The following TPP2 variants were observed in gnomAD, a reference collection of about 807,000 sequenced individuals.
TPP2 encodes tripeptidyl peptidase 2.
TPP2 carries 34 observed loss-of-function variants against 155.9 expected under a neutral mutation model. The observed-to-expected ratio is 0.22, with a 90% CI of 0.17 to 0.29. The LOEUF (loss-of-function observed/expected upper bound fraction) is 0.29, where lower values mean the gene tolerates loss of function less well. Ranked by LOEUF, TPP2 falls within the 10% of genes least tolerant of loss-of-function variation. The probability of loss-of-function intolerance (pLI) is 1.00; values close to 1 mark genes in which losing one functional copy is unlikely to be tolerated. For missense variants in TPP2, 1,028 were observed against 1,522.3 expected (o/e 0.68, Z 5.40); for synonymous variants, 510 against 529.4 (o/e 0.96, Z 0.50).
intron 3 of TPP2, among the ~76,000 whole-genome samples, chr13:102,615,195 T>C (rs1880623825): frequency 6.6e-6 from 1 of 152,216 alleles, no homozygotes; most frequent in South Asian, 2.1e-4. Context: ...TTACATAATA[T>C]GTTATTTTAA....
chr13:102,617,067 C>T (rs1440415352), intron 4 of TPP2, among the ~76,000 whole-genome samples: 2 of 151,056 alleles, frequency 1.3e-5, no homozygotes, highest in African/African-American at 2.4e-5. Flanking sequence ...TGCCACCACA[C>T]CCGACTAGTT....
chr13:102,609,392 C>CT (rs34845674), intron 2 of TPP2, among the ~76,000 whole-genome samples: 25,433 of 79,478 alleles, frequency 0.32, 5,593 homozygotes, highest in East Asian at 0.53. Context: ...AAGTGCCATG[C>CT]TTTTTTTTTT....
chr13:102,653,765 G>A (rs1219722775), intron 24 of TPP2, among the ~76,000 whole-genome samples: 1 of 152,182 alleles, frequency 6.6e-6, no homozygotes, highest in African/African-American at 2.4e-5. Flanking sequence ...AATAGTTTAT[G>A]TGAAGCTTTT....
intron 27 of TPP2, among the ~76,000 whole-genome samples, chr13:102,671,368 G>A (rs1286322995): frequency 1.3e-5 from 2 of 152,138 alleles, no homozygotes; most frequent in Non-Finnish European, 2.9e-5. Context: ...TATATGGCTG[G>A]CTTTTAATTG....
At chr13:102,606,553 A>G (rs2053298725) in intron 2 of TPP2, among the ~76,000 whole-genome samples, 1 of 152,224 alleles carries the variant, frequency 6.6e-6, no homozygotes, top group South Asian at 2.1e-4. Context: ...AAGGCCAGTA[A>G]GAGAATCTCT....
chr13:102,615,661 G>A (rs1880662747), intron 3 of TPP2, among the ~76,000 whole-genome samples: 1 of 152,084 alleles, frequency 6.6e-6, no homozygotes, highest in African/African-American at 2.4e-5. Flanking sequence ...GGACATTGAG[G>A]ATGCCTGCAT....
intron 27 of TPP2, among the ~76,000 whole-genome samples, chr13:102,665,433 GA>G (rs1595213255): frequency 6.6e-6 from 1 of 152,154 alleles, no homozygotes; most frequent in African/African-American, 2.4e-5. Flanking sequence ...GGGAGAATAG[GA>G]GGAGAGAATT....
At chr13:102,628,020 A>G (rs1266766359) in intron 8 of TPP2, 96 bp downstream of exon 8, 3 of 976,114 alleles carry the variant, frequency 3.1e-6, no homozygotes, top group Non-Finnish European at 3.1e-6. Flanking sequence ...CGGTGGAAGA[A>G]AGAACAGTTG....
chr13:102,669,463 A>T (rs1160409185), intron 27 of TPP2, among the ~76,000 whole-genome samples: 1 of 152,220 alleles, frequency 6.6e-6, no homozygotes, highest in Non-Finnish European at 1.5e-5. Context: ...GATGTTTAAT[A>T]ACATATTGAG....
chr13:102,670,962 A>T (rs2139611267), intron 27 of TPP2, among the ~76,000 whole-genome samples: 2 of 152,346 alleles, frequency 1.3e-5, no homozygotes, highest in East Asian at 3.9e-4. Flanking sequence ...TGGAGCTGCT[A>T]GTAAAATATC....
intron 27 of TPP2, among the ~76,000 whole-genome samples, chr13:102,672,498 C>T (rs1422473767): frequency 6.6e-6 from 1 of 152,158 alleles, no homozygotes; most frequent in African/African-American, 2.4e-5. Context: ...TTTTGCAAAA[C>T]CTCGCGGCCT....
intron 6 of TPP2, among the ~76,000 whole-genome samples, chr13:102,624,386 C>T (rs1355674500): frequency 6.6e-6 from 1 of 152,104 alleles, no homozygotes; most frequent in East Asian, 1.9e-4. Flanking sequence ...ACTTCACATA[C>T]ATACATATAC....
intron 15 of TPP2, among the ~76,000 whole-genome samples, chr13:102,638,888 C>T (rs1882567328): frequency 6.6e-6 from 1 of 152,198 alleles, no homozygotes; most frequent in African/African-American, 2.4e-5. Flanking sequence ...AACAATGCTC[C>T]CTCACAATTA....
At chr13:102,653,302 G>T (rs745983412) in intron 24 of TPP2, among the ~76,000 whole-genome samples, 4 of 152,104 alleles carry the variant, frequency 2.6e-5, no homozygotes, top group Non-Finnish European at 4.4e-5. Flanking sequence ...ATTCTTAATA[G>T]ATTTTTTCCT....
intron 25 of TPP2, among the ~76,000 whole-genome samples, chr13:102,661,503 A>G (rs774884179): frequency 6.6e-6 from 1 of 151,976 alleles, no homozygotes; most frequent in Non-Finnish European, 1.5e-5. Context: ...TCAGCTTCCC[A>G]TAGTGTTGGG....
chr13:102,630,292 C>A, intron 10 of TPP2, 97 bp downstream of exon 10: 1 of 877,302 alleles, frequency 1.1e-6, no homozygotes, highest in Non-Finnish European at 1.7e-6. Flanking sequence ...TAGTTTTTTT[C>A]TGTTGGTTTT....
In TPP2 at chr13:102,629,559, C is replaced by A; in HGVS notation, c.1094C>A (p.Pro365Gln). The A allele has an allele frequency of 6.4e-7, 1 of 1,552,454 alleles. No homozygotes were observed. The highest frequency in any genetic ancestry group is 8.6e-7 in the Non-Finnish European group (1 of 1,158,366). The part of the protein sequence containing the change: ...IYVSSAGNNG[P>Q]CLSTVGCPGG... ...GTTTCAAGTGCTGGAAATAATGGTC[C>A]ATGCCTGTCTACAGTTGGTTGTCCA... The change falls in exon 9 of 30, where the codon CCA becomes CAA. Residue 365 changes from proline (P) to glutamine (Q), a missense_variant. Around this residue, in one of 7 missense-constraint regions of TPP2, gnomAD observed 63 missense variants for 165.7 expected, o/e 0.38. Coordinates refer to ENST00000376052, the MANE Select transcript of TPP2 (RefSeq NM_001330588.2).
chr13:102,629,700 G>T (rs1881886125), intron 9 of TPP2, 91 bp downstream of exon 9: 4 of 1,443,796 alleles, frequency 2.8e-6, no homozygotes, highest in East Asian at 5.2e-5. Context: ...TCTGCTACAC[G>T]TAAGACACTG....
intron 18 of TPP2, 76 bp from the exon 19 acceptor site, chr13:102,644,833 A>G (rs750633691): frequency 2.0e-5 from 30 of 1,524,998 alleles, no homozygotes; most frequent in Admixed American, 7.0e-5. Flanking sequence ...TTTATATTGG[A>G]CACATTTATT....
Sources: allele counts gnomAD v4.1 joint callset (sites outside exome capture counted in the v4.1 genomes callset), GRCh38; gene constraint gnomAD v4.1.1; regional missense constraint gnomAD v4.1.1; transcripts MANE v1.5; gene names NCBI Gene and HGNC (gene_info 2026-07-23, HGNC 2026-07-21).